RASSF5: variants seen among roughly 807,000 people sequenced by gnomAD.
RASSF5 encodes the protein Ras association domain family member 5.
A neutral mutation model predicts 40.5 loss-of-function variants in RASSF5; 25 were observed. The ratio of observed to expected loss-of-function variants is 0.62; its 90% CI spans 0.45 to 0.86. The LOEUF (loss-of-function observed/expected upper bound fraction) is 0.86, where lower values mean the gene tolerates loss of function less well. Among genes scored for constraint, RASSF5 ranks in the 40% least tolerant of loss-of-function variants. RASSF5 has a pLI of 0.00. For missense variants in RASSF5, 521 were observed against 572.8 expected (o/e 0.91, Z 0.92); for synonymous variants, 246 against 252.4 (o/e 0.97, Z 0.24).
chr1:206,538,316 C>T, intron 2 of RASSF5, 23 bp downstream of exon 2: 1 of 1,612,300 alleles, frequency 6.2e-7, no homozygotes, highest in East Asian at 2.2e-5. Flanking sequence ...GCTCTCGTAC[C>T]AAGCTGGGAA....
chr1:206,518,331 C>T (rs977185439), intron 1 of RASSF5: 8 of 397,782 alleles, frequency 2.0e-5, no homozygotes, highest in Admixed American at 4.4e-5. Context: ...CTCCCCCACC[C>T]GGCACTCCAC....
At chr1:206,559,021 A>G (rs1256444648) in intron 2 of RASSF5, among the ~76,000 whole-genome samples, 1 of 152,226 alleles carries the variant, frequency 6.6e-6, no homozygotes, top group Non-Finnish European at 1.5e-5. Context: ...ACCAGTGGTT[A>G]TCAATCTTAG....
chr1:206,543,664 G>C (rs1222539083), intron 2 of RASSF5: 2 of 152,176 alleles, frequency 1.3e-5, no homozygotes, highest in African/African-American at 4.8e-5. Context: ...GGGGGTGGAC[G>C]TTGAAAGGGG....
intron 1 of RASSF5, among the ~76,000 whole-genome samples, chr1:206,516,462 CTT>C (rs532073665): frequency 6.8e-6 from 1 of 146,306 alleles, no homozygotes. Context: ...TTACACGTGA[CTT>C]TTTTTTTTTT....
chr1:206,522,306 A>C (rs1365950045), intron 1 of RASSF5, among the ~76,000 whole-genome samples: 2 of 152,126 alleles, frequency 1.3e-5, no homozygotes, highest in Non-Finnish European at 2.9e-5. Context: ...GGGAGACGGA[A>C]CCGTAGAAAA....
intron 2 of RASSF5, among the ~76,000 whole-genome samples, chr1:206,565,514 G>A (rs781900859): frequency 1.4e-4 from 22 of 152,230 alleles, no homozygotes; most frequent in Non-Finnish European, 3.1e-4. Flanking sequence ...AGCACCACAG[G>A]TGGGGGACAT....
At chr1:206,514,603 T>C (rs2336941) in intron 1 of RASSF5, among the ~76,000 whole-genome samples, 131,906 of 152,250 alleles carry the variant, frequency 0.87, 57,622 homozygotes, top group East Asian at 1. Context: ...ACATCTGCAA[T>C]GGCCATTGGC....
At chr1:206,528,936 A>T in intron 1 of RASSF5, 1 of 618,472 alleles carries the variant, frequency 1.6e-6, no homozygotes, top group Non-Finnish European at 2.8e-6. Flanking sequence ...AAAGAAGGCC[A>T]AGGGGAAGAA....
intron 2 of RASSF5, among the ~76,000 whole-genome samples, chr1:206,566,096 G>A (rs1365909469): frequency 1.3e-5 from 2 of 152,176 alleles, no homozygotes; most frequent in Non-Finnish European, 2.9e-5. Context: ...GATGTCGCTG[G>A]CGGAATTTCT....
At chr1:206,558,262 C>T (rs777478134) in intron 2 of RASSF5, among the ~76,000 whole-genome samples, 6 of 152,168 alleles carry the variant, frequency 3.9e-5, no homozygotes, top group Non-Finnish European at 8.8e-5. Context: ...CTTCCTGGGT[C>T]GGTTTGGGTA....
chr1:206,528,948 G>T, intron 1 of RASSF5: 1 of 639,614 alleles, frequency 1.6e-6, no homozygotes, highest in Non-Finnish European at 2.8e-6. Flanking sequence ...GGGGAAGAAG[G>T]TGGCTCCTGT....
In RASSF5 at chr1:206,584,494, G is replaced by A; in HGVS notation, c.798G>A (p.Lys266=). 2 of 1,614,156 alleles carry A rather than the reference G, an allele frequency of 1.2e-6. No individual in the cohort carries two copies. Among genetic ancestry groups the A allele is most frequent in the Non-Finnish European group, 1.7e-6 (2 of 1,180,012 alleles). ...CCCAGTCCATCTATGATGCCATCAA[G>A]GAGGTGAACCTGGCGGCTACCACGG... ...IRPQSIYDAI[K]EVNLAATTDK... is the part of the protein sequence containing the mutation. The change falls in exon 4 of 6, where the codon AAG becomes AAA. Residue 266 remains lysine (K), a synonymous_variant. Coordinates refer to ENST00000579436, the MANE Select transcript of RASSF5 (RefSeq NM_182663.4). This position sits in a 1 kb window ranked among gnomAD's most constrained non-coding sequence, Gnocchi z 4.9.
At position 206,589,444 on chromosome 1, in the gene RASSF5, C is replaced by T. The variant is rs1553408551; in HGVS notation, c.*2466C>T. 2 of 152,244 alleles carry T rather than the reference C, an allele frequency of 1.3e-5. No homozygotes were observed. The highest frequency in any genetic ancestry group is 4.8e-5 in the African/African-American group (2 of 41,424). The allele number at this position is 152,244 out of a possible 1,614,324, so 9.4% of individuals were successfully genotyped here. ...GTTCAAATAATTTGGGAAAAATTGT[C>T]CAAATGCGTAGGCGGGAGGGCGCTG... On this transcript the variant is annotated 3_prime_UTR_variant, in exon 6 of 6. Coordinates refer to ENST00000579436, the MANE Select transcript of RASSF5 (RefSeq NM_182663.4).
At chr1:206,581,496 G>C (rs868944913) in intron 2 of RASSF5, among the ~76,000 whole-genome samples, 4 of 152,158 alleles carry the variant, frequency 2.6e-5, no homozygotes, top group African/African-American at 7.2e-5. Flanking sequence ...CTACTTGGGA[G>C]GCTGAGGCAG....
At chr1:206,550,333 C>T (rs1667803939) in intron 2 of RASSF5, among the ~76,000 whole-genome samples, 1 of 152,204 alleles carries the variant, frequency 6.6e-6, no homozygotes, top group Non-Finnish European at 1.5e-5. Context: ...AATCCTGATT[C>T]GTACTAGTTC....
chr1:206,556,690 G>T (rs1185491426), intron 2 of RASSF5, among the ~76,000 whole-genome samples: 1 of 152,232 alleles, frequency 6.6e-6, no homozygotes, highest in Non-Finnish European at 1.5e-5. Flanking sequence ...TGATTTGCAT[G>T]TGTTTGTGGT....
intron 2 of RASSF5, chr1:206,543,746 C>T (rs1411033841): frequency 6.6e-6 from 1 of 152,092 alleles, no homozygotes; most frequent in Non-Finnish European, 1.5e-5. Context: ...TCATATGTTC[C>T]TAATGTCATT....
rs1372380106 is a variant in RASSF5, at chr1:206,508,039, G to C, written c.437G>C (p.Arg146Pro). Residue 146 changes from arginine (R) to proline (P), a missense_variant, in exon 1 of 6, where the codon CGG becomes CCG. Around this residue, in one of 2 missense-constraint regions of RASSF5, gnomAD observed 284 missense variants for 360.8 expected, o/e 0.79. Coordinates refer to ENST00000579436, the MANE Select transcript of RASSF5 (RefSeq NM_182663.4). ...GACCTGTGCGGACGAGAGGTGCTGCGGCAGGCGCTGCGCTGCACTAGTAAG... is the reference window on the plus strand; with the variant it reads ...GACCTGTGCGGACGAGAGGTGCTGCCGCAGGCGCTGCGCTGCACTAGTAAG... ...WCDLCGREVL[R>P]QALRCTNCKF... is the part of the protein sequence containing the mutation. 2.1e-6 allele frequency: 3 copies of C among 1,415,874 alleles called. No individual in the cohort carries two copies. The highest frequency in any genetic ancestry group is 3.0e-5 in the African/African-American group (2 of 67,766). 87.7% of individuals were successfully genotyped at this position (1,415,874 alleles called of 1,614,324 possible).
rs544415449 is a variant in RASSF5 at position 206,568,399 on chromosome 1, G to A, written c.580-14870G>A. On this transcript the variant is annotated intron_variant, in intron 2 of 5. Coordinates refer to ENST00000579436, the MANE Select transcript of RASSF5 (RefSeq NM_182663.4). ...CCCTCAAAGCTGCAGGTGGAGGGAAGCCAGGAAGGGCTGCACTTCCCCAGT... is the reference window on the plus strand; with the variant it reads ...CCCTCAAAGCTGCAGGTGGAGGGAAACCAGGAAGGGCTGCACTTCCCCAGT... 2.6e-5 allele frequency among the ~76,000 whole-genome samples: 4 copies of A among 152,312 alleles called. No homozygotes were observed. The East Asian group carries it at 5.8e-4, about 22-fold the overall frequency.
Sources: gnomAD v4.1 joint callset for allele counts (sites outside exome capture counted in the v4.1 genomes callset) on GRCh38, gnomAD v4.1.1 for gene constraint, gnomAD v4.1.1 regional missense constraint, Gnocchi (gnomAD v3.1) non-coding constraint, MANE v1.5 for transcripts, NCBI Gene and HGNC (gene_info 2026-07-23, HGNC 2026-07-21) for gene names.